The following FRMPD4 variants were observed in gnomAD, a reference collection of about 807,000 sequenced individuals.
The protein encoded by FRMPD4 is FERM and PDZ domain-containing protein 4.
In FRMPD4, 22 loss-of-function variants were observed where a neutral mutation model predicts 94.1. The observed-to-expected ratio is 0.23, with a 90% confidence interval of 0.17 to 0.33. The LOEUF (loss-of-function observed/expected upper bound fraction) is 0.33. Among genes scored for constraint, FRMPD4 ranks in the 10% least tolerant of loss-of-function variants. FRMPD4 has a pLI of 1.00. For synonymous variants in FRMPD4, 631 were observed against 548.6 expected, an observed-to-expected ratio of 1.15 and a Z score of -2.10; for missense variants, 1,111 against 1,339.9, an observed-to-expected ratio of 0.83 and a Z score of 2.67.
At chrX:12,525,215 G>A (rs753117303) in intron 2 of FRMPD4, among the ~76,000 whole-genome samples, 1 of 110,669 alleles carries the variant, frequency 9.0e-6, no homozygotes, top group African/African-American at 3.3e-5. Context: ...ATCCCCCCTC[G>A]CCACTTTTCT....
intron 1 of FRMPD4, among the ~76,000 whole-genome samples, chrX:12,423,663 T>A (rs2056912739): frequency 8.9e-6 from 1 of 112,772 alleles, no homozygotes; most frequent in Admixed American, 9.3e-5. Flanking sequence ...TATTGTACTT[T>A]TGAAAGATTT....
intron 1 of FRMPD4, among the ~76,000 whole-genome samples, chrX:12,391,330 T>C (rs1043922262): frequency 5.4e-5 from 6 of 111,556 alleles, no homozygotes; most frequent in Non-Finnish European, 9.4e-5. Context: ...CAGGCAGAAG[T>C]TAATGCTACC....
intron 3 of FRMPD4, among the ~76,000 whole-genome samples, chrX:12,079,479 T>C (rs2055045952): frequency 9.0e-6 from 1 of 111,509 alleles, no homozygotes; most frequent in South Asian, 3.8e-4. Context: ...TTTCCAAAGG[T>C]TTATGTCCCC....
At chrX:12,033,820 C>T (rs905056148) in intron 3 of FRMPD4, among the ~76,000 whole-genome samples, 3 of 112,253 alleles carry the variant, frequency 2.7e-5, no homozygotes, top group Non-Finnish European at 5.6e-5. Context: ...ACCTCAGCCT[C>T]CCGAGTAGCT....
chrX:12,531,549 T>C (rs968643061), intron 2 of FRMPD4, among the ~76,000 whole-genome samples: 6 of 111,640 alleles, frequency 5.4e-5, no homozygotes, highest in Admixed American at 9.5e-5. Flanking sequence ...GGCTTGAGAT[T>C]CCACATTTCT....
chrX:11,923,497 A>G (rs1343067523), intron 3 of FRMPD4, among the ~76,000 whole-genome samples: 1 of 111,607 alleles, frequency 9.0e-6, no homozygotes, highest in Non-Finnish European at 1.9e-5. Flanking sequence ...CACTGTGGTG[A>G]GTGTCTTCAG....
rs769312874 is a variant in FRMPD4, at chrX:12,500,013, TTTTG to T, written c.158+1234_158+1237del. ...GCAGAGTGGTTTTTTTGTTTCGTTT[TTTTG>T]TTTGTTTGTTTGTTTGCAGTTTTGT... On this transcript the variant is annotated intron_variant, in intron 2 of 16. Coordinates refer to ENST00000675598, the MANE Select transcript of FRMPD4 (RefSeq NM_001368397.1). 1.9e-3 allele frequency among the ~76,000 whole-genome samples: 216 copies of T among 112,029 alleles called. 1 individual carries two copies. Among genetic ancestry groups the T allele is most frequent in the African/African-American group, 6.0e-3 (186 of 30,841 alleles).
intron 2 of FRMPD4, among the ~76,000 whole-genome samples, chrX:12,517,790 C>T (rs1442280307): frequency 8.9e-6 from 1 of 112,565 alleles, no homozygotes; most frequent in East Asian, 2.8e-4. Flanking sequence ...GGGATTCCTC[C>T]GAGCCAGCAG....
chrX:12,254,052 T>C (rs2054082189), intron 1 of FRMPD4, among the ~76,000 whole-genome samples: 1 of 111,743 alleles, frequency 8.9e-6, no homozygotes, highest in Admixed American at 9.5e-5. Context: ...GTTGTAATAT[T>C]TCTTGAAAAA....
In FRMPD4 at chrX:12,434,041, T is replaced by C. The variant is rs186629566; in HGVS notation, c.42-64639T>C. The stretch of plus-strand genomic sequence containing the variant: ...TCAAGCGTGGAGAAGAGAGAGCCTG[T>C]AGGAGACTAGTGGAAGGACATGACT... On this transcript the variant is annotated intron_variant, in intron 1 of 16. Transcript: ENST00000675598. 2.7e-5 allele frequency among the ~76,000 whole-genome samples: 3 copies of C among 111,883 alleles called. No homozygotes were observed. The East Asian group carries it at 8.4e-4, about 31-fold the overall frequency.
At chrX:12,384,851 T>C (rs1003877010) in intron 1 of FRMPD4, among the ~76,000 whole-genome samples, 4 of 112,260 alleles carry the variant, frequency 3.6e-5, no homozygotes, top group African/African-American at 1.3e-4. Context: ...AAGAAGGAGA[T>C]GTAATGCATG....
intron 1 of FRMPD4, among the ~76,000 whole-genome samples, chrX:12,351,172 CAAAAA>C (rs764761807): frequency 3.6e-5 from 3 of 82,704 alleles, no homozygotes; most frequent in Non-Finnish European, 4.8e-5. Flanking sequence ...CTCCACCTCA[CAAAAA>C]AAAAAAAAAA....
At position 12,701,857 on chromosome X, in the gene FRMPD4, T is replaced by G; in HGVS notation, c.934-17T>G. The G allele has an allele frequency of 8.3e-7, 1 of 1,210,157 alleles. No individual in the cohort carries two copies. Among genetic ancestry groups the G allele is most frequent in the African/African-American group, 1.7e-5 (1 of 57,950 alleles). On this transcript the variant is annotated splice_polypyrimidine_tract_variant and intron_variant, in intron 9 of 16. Coordinates refer to ENST00000675598, the MANE Select transcript of FRMPD4 (RefSeq NM_001368397.1). ...CTATTCTTTGACAAGCTGTGCCCCC[T>G]GCTGGTCTCTTCGCAGAGTTGTAAC...
At chrX:11,841,334 A>G (rs2053535280) in intron 1 of FRMPD4, among the ~76,000 whole-genome samples, 3 of 110,738 alleles carry the variant, frequency 2.7e-5, no homozygotes, top group Admixed American at 9.6e-5. Context: ...TGACTTCCAC[A>G]ATGGTTGAAC....
At chrX:12,214,275 A>G (rs2056782286) in intron 1 of FRMPD4, among the ~76,000 whole-genome samples, 1 of 111,477 alleles carries the variant, frequency 9.0e-6, no homozygotes, top group African/African-American at 3.3e-5. Flanking sequence ...TGCAAGCATA[A>G]TGACGTAAGA....
intron 2 of FRMPD4, among the ~76,000 whole-genome samples, chrX:12,549,667 C>A (rs2058513280): frequency 8.9e-6 from 1 of 112,231 alleles, no homozygotes; most frequent in Non-Finnish European, 1.9e-5. Context: ...TAATGGGCTT[C>A]ATGCTGCTGT....
chrX:12,138,611 G>C lies in FRMPD4; in HGVS notation c.-361G>C. The stretch of plus-strand genomic sequence containing the variant: ...GAGCAGCGCCTCTCGCCCAGGCCTC[G>C]CTTTCTCTGGACGCCCGGCAGTCCC... On this transcript the variant is annotated 5_prime_UTR_variant, in exon 1 of 17. Coordinates refer to ENST00000675598, the MANE Select transcript of FRMPD4 (RefSeq NM_001368397.1). 3.5e-6 allele frequency: 1 copy of C among 284,019 alleles called. No individual in the cohort carries two copies. Among genetic ancestry groups the C allele is most frequent in the South Asian group, 2.3e-4 (1 of 4,380 alleles). The allele number at this position is 284,019 out of a possible 1,213,427, so 23.4% of individuals were successfully genotyped here.
intron 1 of FRMPD4, among the ~76,000 whole-genome samples, chrX:12,206,629 C>G (rs2056695681): frequency 8.9e-6 from 1 of 112,078 alleles, no homozygotes; most frequent in African/African-American, 3.2e-5. Context: ...GTCTCAGATG[C>G]AGCAGTGCTA....
intron 1 of FRMPD4, among the ~76,000 whole-genome samples, chrX:12,425,594 G>A (rs962126929): frequency 8.9e-6 from 1 of 111,808 alleles, no homozygotes; most frequent in Non-Finnish European, 1.9e-5. Context: ...GAGACACTTG[G>A]CAATGTCTGG....
Sources: gnomAD v4.1 joint callset for allele counts (sites outside exome capture counted in the v4.1 genomes callset) on GRCh38, gnomAD v4.1.1 for gene constraint, MANE v1.5 for transcripts, NCBI Gene and HGNC (gene_info 2026-07-23, HGNC 2026-07-21) for gene names.